PATJ: variants seen among roughly 807,000 people sequenced by gnomAD.
PATJ encodes inaD-like protein.
A neutral mutation model predicts 224.9 loss-of-function variants in PATJ; 190 were observed. The observed-to-expected ratio is 0.84, with a 90% CI of 0.75 to 0.95. PATJ has a LOEUF of 0.95. Ranked by LOEUF, PATJ falls within the 40% of genes least tolerant of loss-of-function variation. PATJ has a pLI of 0.00. For synonymous variants in PATJ, 769 were observed against 820.3 expected, an observed-to-expected ratio of 0.94 and a Z score of 1.07; for missense variants, 2,121 against 2,270.3, an observed-to-expected ratio of 0.93 and a Z score of 1.34.
At chr1:61,908,689 G>A (rs1395376002) in intron 25 of PATJ, among the ~76,000 whole-genome samples, 1 of 152,120 alleles carries the variant, frequency 6.6e-6, no homozygotes, top group African/African-American at 2.4e-5. Flanking sequence ...ATTACAGTGT[G>A]CATTGGTTTA....
chr1:61,744,924 C>T (rs953918107), intron 1 of PATJ, among the ~76,000 whole-genome samples: 1 of 152,146 alleles, frequency 6.6e-6, no homozygotes, highest in African/African-American at 2.4e-5. Flanking sequence ...CAAGAAAACA[C>T]TTATTTAGGT....
intron 1 of PATJ, among the ~76,000 whole-genome samples, chr1:61,759,263 A>G (rs1293942213): frequency 6.6e-6 from 1 of 152,142 alleles, no homozygotes; most frequent in Non-Finnish European, 1.5e-5. Context: ...TGTGTGGCCC[A>G]AACAATCCTC....
rs1210142680 is a variant in PATJ, at chr1:61,899,599, G to A, written c.3148G>A (p.Glu1050Lys). Residue 1050 changes from glutamate (E) to lysine (K), a missense_variant, in exon 23 of 44, where the codon GAA (glutamate) becomes AAA (lysine). Transcript: ENST00000642238. ...CCTCTGTAGTGAGTTACCTGAGAGA[G>A]AAGAAGGCGAAGGAGAAGAAACTCC... ...ATDTCELPER[E>K]EGEGEETPNF... is the part of the protein sequence containing the mutation. 6.2e-7 allele frequency: 1 copy of A among 1,610,730 alleles called. No individual in the cohort carries two copies. Among genetic ancestry groups the A allele is most frequent in the Admixed American group, 1.7e-5 (1 of 59,232 alleles).
At chr1:62,063,868 A>G (rs558142177) in intron 31 of PATJ, among the ~76,000 whole-genome samples, 20 of 152,272 alleles carry the variant, frequency 1.3e-4, no homozygotes, top group Admixed American at 3.9e-4. Flanking sequence ...TTGAAACTTC[A>G]CTGACGTCAT....
At chr1:61,788,734 G>A (rs998571183) in intron 8 of PATJ, among the ~76,000 whole-genome samples, 55 of 152,156 alleles carry the variant, frequency 3.6e-4, no homozygotes, top group Non-Finnish European at 4.4e-4. Flanking sequence ...GAGTGCAGTG[G>A]CACTATCTTG....
At chr1:62,010,078 CAAAA>C (rs34658070) in intron 28 of PATJ, among the ~76,000 whole-genome samples, 12 of 84,272 alleles carry the variant, frequency 1.4e-4, no homozygotes, top group African/African-American at 3.3e-4. Flanking sequence ...GACTCCATCT[CAAAA>C]AAAAAAAAAA....
intron 20 of PATJ, among the ~76,000 whole-genome samples, chr1:61,871,465 A>ATGTATATACATATATATGTGTATATATG (rs1557793039): frequency 8.4e-6 from 1 of 119,252 alleles, no homozygotes; most frequent in Non-Finnish European, 1.8e-5. Context: ...GCGTATATAT[A>ATGTATATACATATATATGTGTATATATG]TGTATATACA....
intron 21 of PATJ, among the ~76,000 whole-genome samples, chr1:61,883,966 A>G (rs1235821889): frequency 1.4e-5 from 1 of 70,562 alleles, no homozygotes; most frequent in African/African-American, 5.3e-5. Flanking sequence ...AGTAATATTA[A>G]TATTGCATAA....
intron 31 of PATJ, among the ~76,000 whole-genome samples, chr1:62,068,145 C>T (rs1310805997): frequency 6.6e-6 from 1 of 152,198 alleles, no homozygotes; most frequent in Non-Finnish European, 1.5e-5. Context: ...AGTTGGCTCC[C>T]TTGCAGCCTG....
intron 21 of PATJ, among the ~76,000 whole-genome samples, chr1:61,876,602 C>T (rs936427672): frequency 2.0e-5 from 3 of 152,082 alleles, no homozygotes; most frequent in Non-Finnish European, 2.9e-5. Flanking sequence ...GTCTTCTAAC[C>T]CTAGATGCCA....
intron 28 of PATJ, among the ~76,000 whole-genome samples, chr1:61,997,982 T>TTTTTTATATATATATATATA (rs374175697): frequency 8.5e-6 from 1 of 118,338 alleles, no homozygotes; most frequent in African/African-American, 3.9e-5. Context: ...TGTGCCCAGC[T>TTTTTTATATATATATATATA]TATATATGTA....
chr1:62,050,632 C>A (rs1159742785), intron 30 of PATJ, among the ~76,000 whole-genome samples: 2 of 152,148 alleles, frequency 1.3e-5, no homozygotes, highest in Non-Finnish European at 2.9e-5. Context: ...ATTTCATTGG[C>A]CAGAACTGAC....
chr1:62,130,666 A>G (rs1376416044), intron 41 of PATJ, among the ~76,000 whole-genome samples: 1 of 151,910 alleles, frequency 6.6e-6, no homozygotes, highest in Non-Finnish European at 1.5e-5. Flanking sequence ...CCTGGCTAAC[A>G]TGGTGAAACC....
intron 41 of PATJ, among the ~76,000 whole-genome samples, chr1:62,144,766 C>CAAAAAAAA (rs546610971): frequency 8.6e-6 from 1 of 116,550 alleles, no homozygotes. Context: ...ATGTTATTTG[C>CAAAAAAAA]AAAAAAAAAA....
chr1:62,102,941 C>T (rs954520270), intron 33 of PATJ, among the ~76,000 whole-genome samples: 1 of 150,796 alleles, frequency 6.6e-6, no homozygotes, highest in Non-Finnish European at 1.5e-5. Flanking sequence ...ATGCATCATG[C>T]TTTCTGTAGT....
At chr1:61,835,279 CT>C (rs1169915201) in intron 17 of PATJ, among the ~76,000 whole-genome samples, 2 of 151,944 alleles carry the variant, frequency 1.3e-5, no homozygotes, top group East Asian at 1.9e-4. Context: ...GGCAGGGACT[CT>C]TTTTTTTCCT....
At chr1:62,038,830 A>T (rs1332004853) in intron 30 of PATJ, 4 of 693,710 alleles carry the variant, frequency 5.8e-6, no homozygotes, top group Non-Finnish European at 1.1e-5. Context: ...GCCGGGGTGG[A>T]CGGTGGGTGG....
intron 43 of PATJ, among the ~76,000 whole-genome samples, chr1:62,154,000 G>A (rs990985430): frequency 2.0e-5 from 3 of 152,030 alleles, no homozygotes; most frequent in South Asian, 2.1e-4. Context: ...GCCTCCCCGG[G>A]TTCAAGCAAT....
intron 29 of PATJ, among the ~76,000 whole-genome samples, chr1:62,036,061 G>C (rs900627870): frequency 7.9e-5 from 12 of 152,242 alleles, no homozygotes; most frequent in African/African-American, 2.6e-4. Context: ...AAGCACTAGA[G>C]GGGGCCAGAG....
Sources: allele counts gnomAD v4.1 joint callset (sites outside exome capture counted in the v4.1 genomes callset), GRCh38; gene constraint gnomAD v4.1.1; transcripts MANE v1.5; gene names NCBI Gene and HGNC (gene_info 2026-07-23, HGNC 2026-07-21).